The following DSTN variants were observed in gnomAD, a reference collection of about 807,000 sequenced individuals.
DSTN encodes the protein destrin.
DSTN carries 10 observed loss-of-function variants against 16.8 expected under a neutral mutation model. The ratio of observed to expected loss-of-function variants is 0.60; its 90% CI spans 0.37 to 1.01. The LOEUF (loss-of-function observed/expected upper bound fraction) is 1.01, where lower values mean the gene tolerates loss of function less well. Among genes scored for constraint, DSTN ranks in the 50% least tolerant of loss-of-function variants. DSTN has a pLI of 0.01. For missense variants in DSTN, 141 were observed against 196.7 expected (o/e 0.72, Z 1.69); for synonymous variants, 57 against 58.9 (o/e 0.97, Z 0.14).
chr20:17,585,644 CATAT>C (rs2035397638), intron 1 of DSTN, among the ~76,000 whole-genome samples: 1 of 152,082 alleles, frequency 6.6e-6, no homozygotes, highest in South Asian at 2.1e-4. Flanking sequence ...TGTACACACA[CATAT>C]ATACACACAC....
chr20:17,584,448 G>A (rs923420655), intron 1 of DSTN, among the ~76,000 whole-genome samples: 1 of 152,058 alleles, frequency 6.6e-6, no homozygotes, highest in East Asian at 1.9e-4. Flanking sequence ...TTGGGAGTTC[G>A]AGACCAGCCT....
At chr20:17,596,402 G>C (rs1180841343) in intron 1 of DSTN, among the ~76,000 whole-genome samples, 1 of 152,026 alleles carries the variant, frequency 6.6e-6, no homozygotes, top group African/African-American at 2.4e-5. Flanking sequence ...TAGATGTCTT[G>C]CACAGTCTTC....
At chr20:17,570,573 C>T (rs1213145844) in intron 1 of DSTN, among the ~76,000 whole-genome samples, 1 of 151,930 alleles carries the variant, frequency 6.6e-6, no homozygotes, top group African/African-American at 2.4e-5. Context: ...CACACCGAGG[C>T]CGGGGAGTGG....
At chr20:17,585,433 G>A (rs1370095786) in intron 1 of DSTN, among the ~76,000 whole-genome samples, 1 of 152,092 alleles carries the variant, frequency 6.6e-6, no homozygotes, top group Non-Finnish European at 1.5e-5. Context: ...CATCCAGAGA[G>A]AACTAAGACA....
chr20:17,593,388 A>G lies in DSTN; in HGVS notation c.4-7350A>G, dbSNP rs559808986. On this transcript the variant is annotated intron_variant, in intron 1 of 3. Transcript: ENST00000246069. ...TGATCTTTGATTTTTTTTTCAGGGTAACACAATAATGAATAAGACAGACAC... is the reference window on the plus strand; with the variant it reads ...TGATCTTTGATTTTTTTTTCAGGGTGACACAATAATGAATAAGACAGACAC... Among the ~76,000 whole-genome samples, 8 of 152,272 alleles carry G rather than the reference A, an allele frequency of 5.3e-5. No homozygotes were observed. In the East Asian group the frequency reaches 1.5e-3, roughly 29 times the overall value.
intron 1 of DSTN, among the ~76,000 whole-genome samples, chr20:17,573,408 C>T (rs1030785446): frequency 1.3e-5 from 2 of 151,926 alleles, no homozygotes; most frequent in Non-Finnish European, 2.9e-5. Flanking sequence ...TATGATTGTG[C>T]AAGTTTATCC....
intron 1 of DSTN, among the ~76,000 whole-genome samples, chr20:17,592,445 A>T (rs186867230): frequency 0.016 from 2,417 of 151,846 alleles, 58 homozygotes; most frequent in African/African-American, 0.056. Context: ...AAAAAAAAAA[A>T]AAATCTCGGA....
At chr20:17,570,401 C>T (rs190152063) in intron 1 of DSTN, among the ~76,000 whole-genome samples, 190 bp downstream of exon 1, 2,605 of 151,786 alleles carry the variant, frequency 0.017, 65 homozygotes, top group African/African-American at 0.06. Context: ...CTGGCTGGGC[C>T]CCCGCGCCCC....
chr20:17,581,915 A>G (rs555228314), intron 1 of DSTN, among the ~76,000 whole-genome samples: 1 of 152,260 alleles, frequency 6.6e-6, no homozygotes, highest in African/African-American at 2.4e-5. Context: ...GTTCCAACCA[A>G]AGTATTAACA....
intron 1 of DSTN, among the ~76,000 whole-genome samples, chr20:17,573,644 A>G (rs766401361): frequency 4.6e-5 from 7 of 152,154 alleles, no homozygotes; most frequent in African/African-American, 1.7e-4. Flanking sequence ...TCTCATCATT[A>G]ACAGCTTGTT....
chr20:17,595,726 A>G (rs1378083110), intron 1 of DSTN, among the ~76,000 whole-genome samples: 1 of 152,144 alleles, frequency 6.6e-6, no homozygotes, highest in Non-Finnish European at 1.5e-5. Flanking sequence ...TTTGCTATGC[A>G]TCTTTAAGAT....
chr20:17,591,111 T>TC lies in DSTN; in HGVS notation c.4-9620dup, dbSNP rs573611964. ...CAACAGAGCAAGACCCTGTCCCCCT[T>TC]CCCCCCCAGAAAAACCACGGAAATA... On this transcript the variant is annotated intron_variant, in intron 1 of 3. Coordinates refer to ENST00000246069, the MANE Select transcript of DSTN (RefSeq NM_006870.4). Among the ~76,000 whole-genome samples, 65 of 151,652 alleles carry TC rather than the reference T, an allele frequency of 4.3e-4. 1 individual carries two copies. The highest frequency in any genetic ancestry group is 2.4e-3 in the Admixed American group (36 of 15,242).
rs181657350 is a variant in DSTN at position 17,602,763 on chromosome 20, A to G, written c.311+1718A>G. Among the ~76,000 whole-genome samples, 5 of 152,314 alleles carry G rather than the reference A, an allele frequency of 3.3e-5. No individual in the cohort carries two copies. The East Asian group carries it at 9.6e-4, about 29-fold the overall frequency. On this transcript the variant is annotated intron_variant, in intron 2 of 3. Coordinates refer to ENST00000246069, the MANE Select transcript of DSTN (RefSeq NM_006870.4). ...CCCACTCTGCTGGGCGCAGTGACTC[A>G]TGCCTGTAATCTCAGCACTTTGGGA...
intron 1 of DSTN, among the ~76,000 whole-genome samples, chr20:17,572,825 A>C (rs979117277): frequency 2.0e-5 from 3 of 152,210 alleles, no homozygotes; most frequent in African/African-American, 7.2e-5. Context: ...ACACAGAATA[A>C]CAGATCCTTT....
intron 1 of DSTN, 146 bp downstream of exon 1, chr20:17,570,357 AG>A (rs560717363): frequency 2.5e-5 from 29 of 1,172,792 alleles, no homozygotes; most frequent in African/African-American, 4.9e-5. Context: ...GCTGCGGGTG[AG>A]GGGGGGTCTC....
intron 1 of DSTN, among the ~76,000 whole-genome samples, chr20:17,572,813 G>A (rs573651369): frequency 6.6e-6 from 1 of 152,224 alleles, no homozygotes; most frequent in South Asian, 2.1e-4. Flanking sequence ...AAGCAGAAAA[G>A]TACACAGAAT....
At chr20:17,580,279 C>T (rs2035327776) in intron 1 of DSTN, among the ~76,000 whole-genome samples, 1 of 152,086 alleles carries the variant, frequency 6.6e-6, no homozygotes, top group Non-Finnish European at 1.5e-5. Context: ...TTTAGAATAA[C>T]AATCATTTAT....
chr20:17,579,419 A>G (rs2035318837), intron 1 of DSTN, among the ~76,000 whole-genome samples: 1 of 150,824 alleles, frequency 6.6e-6, no homozygotes, highest in Non-Finnish European at 1.5e-5. Context: ...TACATAAAAT[A>G]CCAAAAAAAA....
chr20:17,585,903 T>C (rs73258665), intron 1 of DSTN, among the ~76,000 whole-genome samples: 9,167 of 152,272 alleles, frequency 0.06, 420 homozygotes, highest in East Asian at 0.12. Flanking sequence ...TTCTATTTTA[T>C]TGCTGAATTT....
Sources: gnomAD v4.1 joint callset for allele counts (sites outside exome capture counted in the v4.1 genomes callset) on GRCh38, gnomAD v4.1.1 for gene constraint, MANE v1.5 for transcripts, NCBI Gene and HGNC (gene_info 2026-07-23, HGNC 2026-07-21) for gene names.